PTPRC: variants seen among roughly 807,000 people sequenced by gnomAD.
The protein encoded by PTPRC is protein tyrosine phosphatase receptor type C, also known as receptor-type tyrosine-protein phosphatase C.
Under a neutral mutation model 155.9 loss-of-function variants are expected in PTPRC, and 44 were observed. The observed-to-expected ratio is 0.28, with a 90% confidence interval of 0.22 to 0.36. The LOEUF is 0.36. PTPRC is among the 10% of genes least tolerant of loss of function. The pLI is 1.00. For missense variants in PTPRC, 1,401 were observed against 1,564.6 expected, an observed-to-expected ratio of 0.90 and a Z score of 1.76; for synonymous variants, 525 against 533.1, an observed-to-expected ratio of 0.98 and a Z score of 0.21.
At chr1:198,730,380 G>C (rs2102479226) in intron 17 of PTPRC, among the ~76,000 whole-genome samples, 1 of 152,196 alleles carries the variant, frequency 6.6e-6, no homozygotes, top group South Asian at 2.1e-4. Flanking sequence ...TTTGGTCATT[G>C]ACTATCCTCT....
Position 198,696,846 on chromosome 1 carries a change from G to A in PTPRC, c.235G>A (p.Asp79Asn). Residue 79 changes from aspartate to asparagine, a missense_variant, in exon 4 of 33, where the codon GAC (aspartate) becomes AAC (asparagine). Coordinates refer to ENST00000442510, the MANE Select transcript of PTPRC (RefSeq NM_002838.5). Reference sequence around the variant, plus strand: ...AGAGACCACAACTTCTCTTAGTCCAGACAATACTTCCACCCAAGTATCCCC... The same window carrying A: ...AGAGACCACAACTTCTCTTAGTCCAAACAATACTTCCACCCAAGTATCCCC... ...FSETTTSLSP[D>N]NTSTQVSPDS... The A allele has an allele frequency of 1.9e-6, 3 of 1,614,046 alleles. No individual in the cohort carries two copies. The highest frequency in any genetic ancestry group is 2.5e-6 in the Non-Finnish European group (3 of 1,179,972).
intron 2 of PTPRC, among the ~76,000 whole-genome samples, chr1:198,641,678 G>T (rs544661402): frequency 1.8e-4 from 27 of 152,112 alleles, no homozygotes; most frequent in African/African-American, 6.5e-4. Flanking sequence ...GACAATGATG[G>T]TTTTAAGAAG....
rs543658093 is a variant in PTPRC, at chr1:198,649,962, A to G, written c.73+10621A>G. Among the ~76,000 whole-genome samples the G allele has an allele frequency of 5.9e-5, 9 of 151,996 alleles. No homozygotes were observed. The South Asian group carries it at 1.7e-3, about 28-fold the overall frequency. On this transcript the variant is annotated intron_variant, in intron 2 of 32. Transcript: ENST00000442510. The stretch of plus-strand genomic sequence containing the variant: ...CAGATTTAGGGGTGAATGCACTTTT[A>G]GACAGAGTGATCGGGGAAGATCCTT...
At chr1:198,714,571 T>A (rs1653478466) in intron 12 of PTPRC, among the ~76,000 whole-genome samples, 1 of 152,124 alleles carries the variant, frequency 6.6e-6, no homozygotes, top group South Asian at 2.1e-4. Context: ...TGCCGATTGG[T>A]GACTGAATGC....
intron 2 of PTPRC, among the ~76,000 whole-genome samples, chr1:198,656,729 A>G (rs897371387): frequency 2.0e-5 from 3 of 150,686 alleles, no homozygotes; most frequent in East Asian, 2.0e-4. Flanking sequence ...CGAGAAATGC[A>G]CGTCATGGAG....
At chr1:198,723,238 T>A (rs925769397) in intron 15 of PTPRC, among the ~76,000 whole-genome samples, 1 of 151,978 alleles carries the variant, frequency 6.6e-6, no homozygotes, top group Non-Finnish European at 1.5e-5. Flanking sequence ...TCTCTACTGG[T>A]TAACATTGTA....
rs3754099 is a variant in PTPRC at position 198,689,997 on chromosome 1, T to A, written c.74-2350T>A. ...CAGCATACCAGCAAAACAATGTATG[T>A]TTCTTGAACCTAAGTGAACTAAATT... On this transcript the variant is annotated intron_variant, in intron 2 of 32. Coordinates refer to ENST00000442510, the MANE Select transcript of PTPRC (RefSeq NM_002838.5). 4.5e-4 allele frequency among the ~76,000 whole-genome samples: 69 copies of A among 152,290 alleles called. No homozygotes were observed. In the East Asian group the frequency reaches 0.013, roughly 29 times the overall value.
chr1:198,716,004 C>T (rs72738057), intron 12 of PTPRC, among the ~76,000 whole-genome samples: 1,957 of 152,214 alleles, frequency 0.013, 24 homozygotes, highest in Non-Finnish European at 0.016. Flanking sequence ...TCTCATATGC[C>T]TCCCCAGCCA....
At chr1:198,672,151 A>G (rs954911461) in intron 2 of PTPRC, among the ~76,000 whole-genome samples, 3 of 152,336 alleles carry the variant, frequency 2.0e-5, no homozygotes, top group East Asian at 1.9e-4. Flanking sequence ...ATTAAGACCA[A>G]TGAAATGTGA....
intron 6 of PTPRC, 70 bp from the exon 7 acceptor site, chr1:198,703,226 TAA>T: frequency 1.8e-5 from 29 of 1,603,592 alleles, no homozygotes; most frequent in Non-Finnish European, 2.4e-5. Flanking sequence ...TTATCTTTGC[TAA>T]AGAGTTTTTC....
intron 2 of PTPRC, among the ~76,000 whole-genome samples, chr1:198,652,479 A>G (rs781603053): frequency 6.6e-6 from 1 of 152,002 alleles, no homozygotes; most frequent in Non-Finnish European, 1.5e-5. Context: ...AGATATTTAA[A>G]TACCTATCCA....
In PTPRC at chr1:198,750,498, T is replaced by G. The variant is rs146768191; in HGVS notation, c.3079T>G (p.Trp1027Gly). The G allele has an allele frequency of 2.4e-5, 39 of 1,612,326 alleles. No homozygotes were observed. Among genetic ancestry groups the G allele is most frequent in the Non-Finnish European group, 3.1e-5 (36 of 1,178,878 alleles). ...CCTTTTTTTGTCTAAAAAGAGCTAC[T>G]GGAAACCTGAAGTGATGATTGCTGC... ...YINASFIMSY[W>G]KPEVMIAAQG... The change falls in exon 29 of 33, where the codon TGG becomes GGG. Residue 1027 changes from tryptophan to glycine, a missense_variant. Physicochemically the swap from Trp to Gly is radical, Grantham distance 184. This residue lies in a region of PTPRC where 400 missense variants were observed against 389.5 expected (regional missense o/e 1.03). Transcript: ENST00000442510.
At chr1:198,731,245 A>G (rs1381841740) in intron 17 of PTPRC, among the ~76,000 whole-genome samples, 1 of 152,062 alleles carries the variant, frequency 6.6e-6, no homozygotes, top group African/African-American at 2.4e-5. Context: ...GTTGAAAATG[A>G]AAATACAAAG....
intron 28 of PTPRC, among the ~76,000 whole-genome samples, chr1:198,750,154 C>T (rs904787502): frequency 6.6e-6 from 1 of 151,838 alleles, no homozygotes; most frequent in African/African-American, 2.4e-5. Flanking sequence ...TTAGTATAGA[C>T]ACGATGAAGG....
chr1:198,643,087 A>G (rs889214462), intron 2 of PTPRC, among the ~76,000 whole-genome samples: 1 of 151,628 alleles, frequency 6.6e-6, no homozygotes, highest in Non-Finnish European at 1.5e-5. Context: ...TACTTCTTCT[A>G]TTATGTTCTC....
At chr1:198,754,220 C>CT in intron 31 of PTPRC, 49 bp from the exon 32 acceptor site, 1 of 1,551,450 alleles carries the variant, frequency 6.4e-7, no homozygotes, top group South Asian at 1.1e-5. Context: ...TAATATCACC[C>CT]TTTTTGGTGA....
chr1:198,693,981 G>C, intron 3 of PTPRC: 1 of 1,538,954 alleles, frequency 6.5e-7, no homozygotes, highest in Non-Finnish European at 8.7e-7. Flanking sequence ...TAGTTTATGT[G>C]ATTGACACAC....
rs1261467913 is a variant in PTPRC at position 198,648,876 on chromosome 1, A to G, written c.73+9535A>G. On this transcript the variant is annotated intron_variant, in intron 2 of 32. Transcript: ENST00000442510. ...CCACCCAACTCATTTTTGATATTACATAAAGTGAAAAACATTAAATAATTC... is the reference window on the plus strand; with the variant it reads ...CCACCCAACTCATTTTTGATATTACGTAAAGTGAAAAACATTAAATAATTC... 3.3e-5 allele frequency among the ~76,000 whole-genome samples: 5 copies of G among 151,942 alleles called. No individual in the cohort carries two copies. In the East Asian group the frequency reaches 9.7e-4, roughly 30 times the overall value.
chr1:198,706,587 A>G, intron 8 of PTPRC, 147 bp from the exon 9 acceptor site: 3 of 816,112 alleles, frequency 3.7e-6, no homozygotes, highest in Non-Finnish European at 5.7e-6. Context: ...TAATTACGAA[A>G]AAAATGATAT....
Sources: allele counts gnomAD v4.1 joint callset (sites outside exome capture counted in the v4.1 genomes callset), GRCh38; gene constraint gnomAD v4.1.1; regional missense constraint gnomAD v4.1.1; transcripts MANE v1.5; gene names NCBI Gene and HGNC (gene_info 2026-07-23, HGNC 2026-07-21).